CAMTA1: variants seen among roughly 807,000 people sequenced by gnomAD.
CAMTA1 encodes calmodulin binding transcription activator 1.
In CAMTA1, 27 loss-of-function variants were observed where a neutral mutation model predicts 170.9. The observed-to-expected ratio is 0.16, with a 90% CI of 0.12 to 0.22. The LOEUF is 0.22. Among genes scored for constraint, CAMTA1 ranks in the 10% least tolerant of loss-of-function variants. The pLI, the probability that CAMTA1 is intolerant of heterozygous loss-of-function variation, is 1.00. For synonymous variants in CAMTA1, 833 were observed against 891.5 expected (o/e 0.93, Z 1.17); for missense variants, 1,619 against 2,217.2 (o/e 0.73, Z 5.42).
chr1:7,294,154 G>A (rs1355847177), intron 5 of CAMTA1, among the ~76,000 whole-genome samples: 3 of 152,148 alleles, frequency 2.0e-5, no homozygotes, highest in Non-Finnish European at 4.4e-5. Context: ...GCTGGGGCAG[G>A]GAGAGGCTGA....
intron 4 of CAMTA1, among the ~76,000 whole-genome samples, chr1:7,166,522 C>A (rs898498897): frequency 4.6e-5 from 7 of 152,180 alleles, no homozygotes; most frequent in African/African-American, 1.7e-4. Context: ...ACATTCCCAT[C>A]ACAGACTTTG....
chr1:7,746,189 T>C, intron 18 of CAMTA1, 98 bp downstream of exon 18: 1 of 1,410,382 alleles, frequency 7.1e-7, no homozygotes, highest in Non-Finnish European at 9.6e-7. Flanking sequence ...ACTATTTCTT[T>C]TTTTCCTCTG....
At chr1:7,183,810 T>A (rs550468618) in intron 4 of CAMTA1, among the ~76,000 whole-genome samples, 9 of 152,318 alleles carry the variant, frequency 5.9e-5, no homozygotes, top group Admixed American at 5.2e-4. Flanking sequence ...AGTTGCACAC[T>A]CTATGCTTTC....
In CAMTA1 at chr1:7,146,276, T is replaced by A. The variant is rs1646180424; in HGVS notation, c.302+54905T>A. 6.6e-6 allele frequency among the ~76,000 whole-genome samples: 1 copy of A among 152,102 alleles called. No homozygotes were observed. The highest frequency in any genetic ancestry group is 6.5e-5 in the Admixed American group (1 of 15,278). On this transcript the variant is annotated intron_variant, in intron 4 of 22. Transcript: ENST00000303635. The surrounding 1 kb of genome is among the most constrained non-coding windows in gnomAD (Gnocchi z 4.3). ...AACCCGGTGCCTGCTCATGAGCCAG[T>A]CTCCCTCTTGGCTTATGTAGATCAA... is the stretch of plus-strand genomic sequence containing the variant.
chr1:7,159,216 G>A (rs1377031239), intron 4 of CAMTA1, among the ~76,000 whole-genome samples: 1 of 152,026 alleles, frequency 6.6e-6, no homozygotes, highest in African/African-American at 2.4e-5. Context: ...TAGAGTTCAG[G>A]AGAATTTTGA....
At chr1:7,668,351 CTG>C (rs1181093351) in intron 9 of CAMTA1, among the ~76,000 whole-genome samples, 2 of 151,628 alleles carry the variant, frequency 1.3e-5, no homozygotes, top group Non-Finnish European at 2.9e-5. Context: ...TCTCCTATCT[CTG>C]TCCACCCCTT....
intron 3 of CAMTA1, among the ~76,000 whole-genome samples, chr1:6,902,667 T>C (rs534651239): frequency 6.6e-6 from 1 of 152,360 alleles, no homozygotes; most frequent in South Asian, 2.1e-4. Flanking sequence ...CCTGTGCACT[T>C]TGAACAGGTA....
intron 3 of CAMTA1, among the ~76,000 whole-genome samples, chr1:6,874,956 T>G (rs1669415567): frequency 6.6e-6 from 1 of 152,238 alleles, no homozygotes; most frequent in South Asian, 2.1e-4. Context: ...GGGACATCAC[T>G]GCCTTTCCTG....
At chr1:7,533,398 G>T (rs987554603) in intron 6 of CAMTA1, among the ~76,000 whole-genome samples, 1 of 152,248 alleles carries the variant, frequency 6.6e-6, no homozygotes, top group South Asian at 2.1e-4. Context: ...AGCTGGGGCT[G>T]AAGAAGGGCT....
chr1:6,826,143 C>T (rs1647080109), intron 3 of CAMTA1, among the ~76,000 whole-genome samples: 1 of 152,118 alleles, frequency 6.6e-6, no homozygotes, highest in Non-Finnish European at 1.5e-5. Flanking sequence ...GATTCTTTGG[C>T]GCTAACTACT....
intron 6 of CAMTA1, among the ~76,000 whole-genome samples, chr1:7,610,891 G>A (rs1372689650): frequency 6.6e-6 from 1 of 152,244 alleles, no homozygotes; most frequent in African/African-American, 2.4e-5. Context: ...AGCATGAGGG[G>A]CAAAGGCCAG....
At chr1:6,956,349 G>A (rs1226041648) in intron 3 of CAMTA1, among the ~76,000 whole-genome samples, 1 of 152,178 alleles carries the variant, frequency 6.6e-6, no homozygotes, top group African/African-American at 2.4e-5. Flanking sequence ...GGCCTTGTGG[G>A]CTTTCTGGAG....
At chr1:7,345,849 T>C (rs2149841489) in intron 5 of CAMTA1, among the ~76,000 whole-genome samples, 1 of 152,240 alleles carries the variant, frequency 6.6e-6, no homozygotes, top group East Asian at 1.9e-4. Flanking sequence ...CCTAAATACA[T>C]GAGAAGAATC....
chr1:7,704,694 G>C (rs898691192), intron 11 of CAMTA1, among the ~76,000 whole-genome samples: 12 of 148,356 alleles, frequency 8.1e-5, no homozygotes, highest in Non-Finnish European at 1.7e-4. Context: ...CCCCGCCATT[G>C]GTCCGGGCGG....
intron 11 of CAMTA1, among the ~76,000 whole-genome samples, chr1:7,722,044 G>A (rs1232376186): frequency 6.6e-6 from 1 of 152,190 alleles, no homozygotes; most frequent in East Asian, 1.9e-4. Context: ...GTAAAATCCA[G>A]AGGAAGCAGT....
At chr1:7,231,351 G>GTGTGTGTGTGTA (rs1491234681) in intron 4 of CAMTA1, among the ~76,000 whole-genome samples, 1 of 108,778 alleles carries the variant, frequency 9.2e-6, no homozygotes, top group East Asian at 2.4e-4. Context: ...GTGTGTGTGT[G>GTGTGTGTGTGTA]AGAGAGAGAG....
At chr1:6,987,144 G>T (rs1203657490) in intron 3 of CAMTA1, among the ~76,000 whole-genome samples, 4 of 149,692 alleles carry the variant, frequency 2.7e-5, no homozygotes, top group Non-Finnish European at 5.9e-5. Context: ...ACTAATGCCA[G>T]GGCCCACCCT....
rs1038788238 is a variant in CAMTA1 at position 7,146,063 on chromosome 1, T to C, written c.302+54692T>C. Among the ~76,000 whole-genome samples the C allele has an allele frequency of 6.6e-6, 1 of 152,244 alleles. No homozygotes were observed. The highest frequency in any genetic ancestry group is 1.9e-4 in the East Asian group (1 of 5,200). On this transcript the variant is annotated intron_variant, in intron 4 of 22. Transcript: ENST00000303635. The surrounding 1 kb of genome is among the most constrained non-coding windows in gnomAD (Gnocchi z 4.3). ...TGAACACTTACTACGTGCGTGGCAC[T>C]ATGCCCAGTGCTTTAATTGGATCTT...
chr1:7,605,353 CT>C (rs1186583139), intron 6 of CAMTA1, among the ~76,000 whole-genome samples: 1 of 152,224 alleles, frequency 6.6e-6, no homozygotes, highest in Non-Finnish European at 1.5e-5. Flanking sequence ...TTCCCAGCCG[CT>C]TTATTTACCT....
Sources: allele counts gnomAD v4.1 joint callset (sites outside exome capture counted in the v4.1 genomes callset), GRCh38; gene constraint gnomAD v4.1.1; non-coding constraint Gnocchi (gnomAD v3.1); transcripts MANE v1.5; gene names NCBI Gene and HGNC (gene_info 2026-07-23, HGNC 2026-07-21).